SCAPER: variants seen among roughly 807,000 people sequenced by gnomAD.
SCAPER encodes the protein S-phase cyclin A associated protein in the ER.
Under a neutral mutation model 182.2 loss-of-function variants are expected in SCAPER, and 98 were observed. The ratio of observed to expected loss-of-function variants is 0.54; its 90% confidence interval spans 0.46 to 0.64. The LOEUF (loss-of-function observed/expected upper bound fraction) is 0.64, where lower values mean the gene tolerates loss of function less well. Among genes scored for constraint, SCAPER ranks in the 30% least tolerant of loss-of-function variants. The pLI, the probability that SCAPER is intolerant of heterozygous loss-of-function variation, is 0.00. For missense variants in SCAPER, 1,432 were observed against 1,690.0 expected (o/e 0.85, Z 2.68); for synonymous variants, 605 against 564.6 (o/e 1.07, Z -1.01).
At chr15:76,416,502 A>T (rs1263616412) in intron 26 of SCAPER, among the ~76,000 whole-genome samples, 1 of 151,758 alleles carries the variant, frequency 6.6e-6, no homozygotes, top group African/African-American at 2.4e-5. Context: ...AAAAAAAAAA[A>T]AGTTAAATAT....
chr15:76,839,634 A>G (rs530719786), intron 5 of SCAPER, among the ~76,000 whole-genome samples: 1 of 152,346 alleles, frequency 6.6e-6, no homozygotes, highest in Admixed American at 6.5e-5. Flanking sequence ...AGAATGGAAA[A>G]CACATCTCTA....
chr15:76,725,319 G>C (rs1290672894), intron 17 of SCAPER, among the ~76,000 whole-genome samples: 1 of 151,584 alleles, frequency 6.6e-6, no homozygotes, highest in Non-Finnish European at 1.5e-5. Context: ...TGTTTTCATG[G>C]ACTGAAAAAC....
chr15:76,695,631 A>G lies in SCAPER; in HGVS notation c.2508+6127T>C, dbSNP rs146545499. Among the ~76,000 whole-genome samples, 538 of 152,132 alleles carry G rather than the reference A, an allele frequency of 3.5e-3. 2 individuals are homozygous for G. The highest frequency in any genetic ancestry group is 6.5e-3 in the Non-Finnish European group (445 of 67,994). ...AAAGAAAAAAGAAAAAAAACTGTTT[A>G]ATTAAATATTTTTCCTTGACCTAAT... On this transcript the variant is annotated intron_variant, in intron 20 of 31. Coordinates refer to ENST00000563290, the MANE Select transcript of SCAPER (RefSeq NM_020843.4).
chr15:76,728,479 G>A (rs2060721017), intron 17 of SCAPER, 116 bp downstream of exon 17: 12 of 1,351,578 alleles, frequency 8.9e-6, no homozygotes, highest in Middle Eastern at 3.7e-4. Context: ...GATCAACCTG[G>A]GGAACATCGC....
chr15:76,720,327 A>G (rs1021575557), intron 17 of SCAPER, among the ~76,000 whole-genome samples: 23 of 151,966 alleles, frequency 1.5e-4, no homozygotes, highest in Non-Finnish European at 2.6e-4. Context: ...CCAGTCTATC[A>G]TTGTTGGACA....
intron 1 of SCAPER, among the ~76,000 whole-genome samples, chr15:76,903,051 A>C (rs1398050107): frequency 8.9e-6 from 1 of 112,124 alleles, no homozygotes; most frequent in African/African-American, 2.8e-5. Flanking sequence ...ACAGAGTGAG[A>C]CTCGGTTTCA....
At chr15:76,513,577 A>C (rs2042208782) in intron 23 of SCAPER, among the ~76,000 whole-genome samples, 1 of 152,360 alleles carries the variant, frequency 6.6e-6, no homozygotes, top group Non-Finnish European at 1.5e-5. Context: ...AAGAACACAG[A>C]AAGCTTCCCC....
intron 4 of SCAPER, among the ~76,000 whole-genome samples, chr15:76,853,604 T>C (rs574025541): frequency 6.0e-5 from 9 of 150,774 alleles, no homozygotes; most frequent in African/African-American, 1.9e-4. Flanking sequence ...AAGCTTTCGA[T>C]ATAACTCAAC....
At chr15:76,396,423 A>AT (rs978255337) in intron 27 of SCAPER, among the ~76,000 whole-genome samples, 19 of 152,296 alleles carry the variant, frequency 1.2e-4, no homozygotes, top group African/African-American at 4.3e-4. Context: ...TAGTATGGAC[A>AT]TTTTTAACAA....
chr15:76,518,153 T>A (rs1161759107), intron 23 of SCAPER, among the ~76,000 whole-genome samples: 1 of 151,884 alleles, frequency 6.6e-6, no homozygotes, highest in Non-Finnish European at 1.5e-5. Context: ...GGGACCAGGG[T>A]TAGAAAAGAC....
chr15:76,828,070 A>T (rs776631581), intron 5 of SCAPER, among the ~76,000 whole-genome samples: 52 of 152,244 alleles, frequency 3.4e-4, no homozygotes, highest in Non-Finnish European at 5.6e-4. Context: ...GGCCTGAGCT[A>T]GTAGGCTCAG....
At chr15:76,860,009 C>T (rs1398049162) in intron 3 of SCAPER, among the ~76,000 whole-genome samples, 1 of 152,126 alleles carries the variant, frequency 6.6e-6, no homozygotes, top group Non-Finnish European at 1.5e-5. Flanking sequence ...AGCCACTGCG[C>T]CCAGCCTGTG....
rs937726893 is a variant in SCAPER, at chr15:76,853,310, C to T, written c.195+4499G>A. Among the ~76,000 whole-genome samples, 4 of 152,210 alleles carry T rather than the reference C, an allele frequency of 2.6e-5. No homozygotes were observed. In the South Asian group the frequency reaches 8.3e-4, roughly 32 times the overall value. Reference sequence around the variant, plus strand: ...TCCAAAAAATTGAGGAGAAAGAACTCCTCCCCAACTCATTCTACGAAGCCA... The same window carrying T: ...TCCAAAAAATTGAGGAGAAAGAACTTCTCCCCAACTCATTCTACGAAGCCA... On this transcript the variant is annotated intron_variant, in intron 4 of 31. Coordinates refer to ENST00000563290, the MANE Select transcript of SCAPER (RefSeq NM_020843.4).
chr15:76,850,225 A>G (rs972742769), intron 4 of SCAPER, among the ~76,000 whole-genome samples: 1 of 152,244 alleles, frequency 6.6e-6, no homozygotes, highest in Admixed American at 6.5e-5. Flanking sequence ...ATGGAAGTCT[A>G]TTAATTACTC....
chr15:76,676,498 C>G (rs1383367221), intron 20 of SCAPER, among the ~76,000 whole-genome samples: 1 of 151,322 alleles, frequency 6.6e-6, no homozygotes, highest in Non-Finnish European at 1.5e-5. Context: ...AGTGATCAGT[C>G]AAAAAAAGGT....
intron 1 of SCAPER, among the ~76,000 whole-genome samples, chr15:76,887,411 G>A (rs1210868248): frequency 3.3e-5 from 5 of 152,286 alleles, no homozygotes; most frequent in East Asian, 3.9e-4. Context: ...AAGGGAAGCC[G>A]TGGCAGACTG....
chr15:76,416,241 G>A (rs2045636872), intron 26 of SCAPER, among the ~76,000 whole-genome samples: 1 of 151,854 alleles, frequency 6.6e-6, no homozygotes, highest in African/African-American at 2.4e-5. Flanking sequence ...TTGGAAGGCC[G>A]AGGCAGGTGG....
rs1214374796 is a variant in SCAPER, at chr15:76,597,005, G to A, written c.2712-22721C>T. Among the ~76,000 whole-genome samples the A allele has an allele frequency of 4.9e-5, 6 of 121,696 alleles. 2 individuals carry two copies. Among genetic ancestry groups the A allele is most frequent in the Non-Finnish European group, 1.0e-4 (5 of 50,184 alleles). 79.8% of individuals were successfully genotyped at this position (121,696 alleles called of 152,430 possible). A position where few individuals can be genotyped will look rare whatever the true frequency, so the allele number is the denominator to read the frequency against. The stretch of plus-strand genomic sequence containing the variant: ...AATAAAGAGTATTCAAATAGGAAGA[G>A]AGGAAGTCAAATTGTCTCTGTTTAT... On this transcript the variant is annotated intron_variant, in intron 22 of 31. Coordinates refer to ENST00000563290, the MANE Select transcript of SCAPER (RefSeq NM_020843.4).
chr15:76,667,134 C>T (rs1392543283), intron 20 of SCAPER, among the ~76,000 whole-genome samples: 1 of 152,156 alleles, frequency 6.6e-6, no homozygotes, highest in Non-Finnish European at 1.5e-5. Flanking sequence ...TTTAGTCCAG[C>T]TTTTGCCCTT....
Sources: allele counts gnomAD v4.1 joint callset (sites outside exome capture counted in the v4.1 genomes callset), GRCh38; gene constraint gnomAD v4.1.1; transcripts MANE v1.5; gene names NCBI Gene and HGNC (gene_info 2026-07-23, HGNC 2026-07-21).